Variants in HDHD2 observed in about 807,000 individuals in gnomAD.
HDHD2 encodes the protein haloacid dehalogenase-like hydrolase domain-containing protein 2.
HDHD2 carries 26 observed loss-of-function variants against 24.8 expected under a neutral mutation model. The observed-to-expected ratio is 1.05, with a 90% confidence interval of 0.77 to 1.45. The LOEUF (loss-of-function observed/expected upper bound fraction) is 1.45. HDHD2 is among the 40% of genes most tolerant of loss of function. HDHD2 has a pLI of 0.00. For missense variants in HDHD2, 299 were observed against 313.4 expected, an observed-to-expected ratio of 0.95 and a Z score of 0.35; for synonymous variants, 128 against 114.9, an observed-to-expected ratio of 1.11 and a Z score of -0.73.
chr18:47,124,567 G>A (rs999190011), intron 4 of HDHD2, among the ~76,000 whole-genome samples: 1 of 151,902 alleles, frequency 6.6e-6, no homozygotes, highest in Non-Finnish European at 1.5e-5. Context: ...TTAGCCAGGC[G>A]TGGTGGTGCA....
At chr18:47,121,409 C>T (rs571826293) in intron 4 of HDHD2, among the ~76,000 whole-genome samples, 1 of 152,280 alleles carries the variant, frequency 6.6e-6, no homozygotes, top group African/African-American at 2.4e-5. Flanking sequence ...ATTTCTCCCA[C>T]CACCTCCACA....
chr18:47,138,489 G>T (rs2063788782), intron 1 of HDHD2, among the ~76,000 whole-genome samples: 1 of 152,128 alleles, frequency 6.6e-6, no homozygotes, highest in Non-Finnish European at 1.5e-5. Flanking sequence ...GTAATATAAA[G>T]CCAATGGAGC....
At chr18:47,143,198 TC>T (rs2144385427) in intron 1 of HDHD2, among the ~76,000 whole-genome samples, 1 of 152,278 alleles carries the variant, frequency 6.6e-6, no homozygotes, top group East Asian at 1.9e-4. Context: ...GCACCTGTAA[TC>T]CCAGCACTTT....
chr18:47,116,373 T>C (rs963878831), intron 4 of HDHD2, among the ~76,000 whole-genome samples: 1 of 152,234 alleles, frequency 6.6e-6, no homozygotes. Context: ...ATTCATCATA[T>C]CTTACCCTTC....
At chr18:47,136,162 AAAC>A (rs2063763917) in intron 2 of HDHD2, 174 bp downstream of exon 2, 1 of 706,354 alleles carries the variant, frequency 1.4e-6, no homozygotes, top group African/African-American at 1.8e-5. Context: ...AAGGCTTAGA[AAAC>A]AATGTTTGGA....
In HDHD2 at chr18:47,127,430, A is replaced by G. The variant is rs1178790925; in HGVS notation, c.395+2814T>C. On this transcript the variant is annotated intron_variant, in intron 4 of 6. Coordinates refer to ENST00000300605, the MANE Select transcript of HDHD2 (RefSeq NM_032124.5). ...TTAACTGTCGTTCTCTTTAGGTGGCAGCGTTACAGGTAATTTTTAGTTTAT... is the reference window on the plus strand; with the variant it reads ...TTAACTGTCGTTCTCTTTAGGTGGCGGCGTTACAGGTAATTTTTAGTTTAT... Among the ~76,000 whole-genome samples the G allele has an allele frequency of 2.6e-5, 4 of 152,296 alleles. No individual in the cohort carries two copies. The East Asian group carries it at 7.7e-4, about 29-fold the overall frequency.
At chr18:47,116,404 G>A (rs969138302) in intron 4 of HDHD2, among the ~76,000 whole-genome samples, 2 of 152,084 alleles carry the variant, frequency 1.3e-5, no homozygotes, top group South Asian at 2.1e-4. Context: ...GTAATTAAGC[G>A]CTCAACTATG....
chr18:47,119,866 T>C (rs1000132873), intron 4 of HDHD2, among the ~76,000 whole-genome samples: 1 of 152,192 alleles, frequency 6.6e-6, no homozygotes, highest in Non-Finnish European at 1.5e-5. Context: ...GGTGGCAGAA[T>C]GGGTGTTGTG....
At chr18:47,137,642 TAACAAC>T (rs966763816) in intron 1 of HDHD2, among the ~76,000 whole-genome samples, 1 of 152,170 alleles carries the variant, frequency 6.6e-6, no homozygotes, top group African/African-American at 2.4e-5. Flanking sequence ...TGCTCTGTTT[TAACAAC>T]AACAACAACA....
intron 4 of HDHD2, among the ~76,000 whole-genome samples, chr18:47,116,077 C>A (rs565342607): frequency 6.6e-6 from 1 of 152,108 alleles, no homozygotes; most frequent in Non-Finnish European, 1.5e-5. Context: ...CTACCTATAG[C>A]TAAGAATCCT....
chr18:47,129,557 T>A (rs939140231), intron 4 of HDHD2, among the ~76,000 whole-genome samples: 1 of 152,182 alleles, frequency 6.6e-6, no homozygotes, highest in Non-Finnish European at 1.5e-5. Context: ...TCTCTGAATC[T>A]GTTTTTCTTC....
intron 4 of HDHD2, among the ~76,000 whole-genome samples, chr18:47,125,070 G>GCTA (rs1344625704): frequency 1.3e-5 from 2 of 152,104 alleles, no homozygotes; most frequent in Admixed American, 1.3e-4. Flanking sequence ...GCTAAGGCAG[G>GCTA]AGGACCTCTT....
At chr18:47,123,025 C>A (rs1348956040) in intron 4 of HDHD2, among the ~76,000 whole-genome samples, 1 of 152,116 alleles carries the variant, frequency 6.6e-6, no homozygotes, top group East Asian at 1.9e-4. Flanking sequence ...TCTACTATCA[C>A]CATGTTTATT....
chr18:47,148,325 G>A (rs1212933859), intron 1 of HDHD2, among the ~76,000 whole-genome samples: 1 of 152,160 alleles, frequency 6.6e-6, no homozygotes. Flanking sequence ...TGAACTACAA[G>A]CTGGTATTTG....
chr18:47,147,718 C>A (rs1223969973), intron 1 of HDHD2, among the ~76,000 whole-genome samples: 1 of 152,128 alleles, frequency 6.6e-6, no homozygotes, highest in African/African-American at 2.4e-5. Flanking sequence ...TCATTTTAAT[C>A]CTTACTGAAG....
chr18:47,148,355 T>C (rs1161879109), intron 1 of HDHD2, among the ~76,000 whole-genome samples: 1 of 152,192 alleles, frequency 6.6e-6, no homozygotes, highest in African/African-American at 2.4e-5. Context: ...AATTGTAAAA[T>C]ACTAATATAA....
In HDHD2 at chr18:47,112,994, C is replaced by T. The variant is rs200924860; in HGVS notation, c.659G>A (p.Gly220Asp). ...ATACATACCAGTCTTTACTAAGATG[C>T]CCAGCATGCCGACATCTTGAGCCCC... ...VGGAQDVGMLGILVKTGKYRA... is the reference protein window; with the variant it reads ...VGGAQDVGMLDILVKTGKYRA... The change falls in exon 6 of 7, where the codon GGC (glycine) becomes GAC (aspartate). Residue 220 changes from glycine (G) to aspartate (D), a missense_variant. Physicochemically the swap from Gly to Asp is moderately conservative, Grantham distance 94. Coordinates refer to ENST00000300605, the MANE Select transcript of HDHD2 (RefSeq NM_032124.5). 5.6e-5 allele frequency: 90 copies of T among 1,613,726 alleles called. No individual in the cohort carries two copies. The highest frequency in any genetic ancestry group is 7.2e-5 in the Non-Finnish European group (85 of 1,179,658).
intron 4 of HDHD2, among the ~76,000 whole-genome samples, chr18:47,121,590 A>G (rs1374660197): frequency 1.3e-5 from 2 of 152,212 alleles, no homozygotes; most frequent in Non-Finnish European, 2.9e-5. Context: ...AGGAGTTTTG[A>G]AAAGTGCAAA....
intron 4 of HDHD2, among the ~76,000 whole-genome samples, chr18:47,129,768 T>A (rs980782723): frequency 6.6e-6 from 1 of 151,948 alleles, no homozygotes; most frequent in African/African-American, 2.4e-5. Context: ...ATCATAGGAG[T>A]AATAATAAAA....
Sources: gnomAD v4.1 joint callset for allele counts (sites outside exome capture counted in the v4.1 genomes callset) on GRCh38, gnomAD v4.1.1 for gene constraint, MANE v1.5 for transcripts, NCBI Gene and HGNC (gene_info 2026-07-23, HGNC 2026-07-21) for gene names.